The following ZNF623 variants were observed in gnomAD, a reference collection of about 807,000 sequenced individuals.
The protein encoded by ZNF623 is zinc finger protein 623.
Under a neutral mutation model 24.0 loss-of-function variants are expected in ZNF623, and 16 were observed. That is an observed-to-expected ratio of 0.67 (90% CI 0.45 to 1.01). The LOEUF is 1.01. ZNF623 is among the 50% of genes least tolerant of loss of function. The pLI, the probability that ZNF623 is intolerant of heterozygous loss-of-function variation, is 0.00. For synonymous variants in ZNF623, 224 were observed against 219.8 expected, an observed-to-expected ratio of 1.02 and a Z score of -0.17; for missense variants, 566 against 606.5, an observed-to-expected ratio of 0.93 and a Z score of 0.70.
At chr8:143,637,532 A>C (rs1339425161) in intron 1 of ZNF623, among the ~76,000 whole-genome samples, 1 of 130,770 alleles carries the variant, frequency 7.6e-6, no homozygotes, top group East Asian at 2.0e-4. Context: ...GACAATTTCA[A>C]GTGATATTTA....
At chr8:143,643,946 A>C (rs1391349521) in intron 1 of ZNF623, among the ~76,000 whole-genome samples, 1 of 152,156 alleles carries the variant, frequency 6.6e-6, no homozygotes, top group Non-Finnish European at 1.5e-5. Flanking sequence ...CCAGCAACCT[A>C]ATTCCCTTGA....
At chr8:143,643,120 C>T (rs1400276146) in intron 1 of ZNF623, among the ~76,000 whole-genome samples, 1 of 152,170 alleles carries the variant, frequency 6.6e-6, no homozygotes, top group Non-Finnish European at 1.5e-5. Flanking sequence ...TGTGCTGTGC[C>T]TGCCTTGAGA....
At position 143,646,337 on chromosome 8, in the gene ZNF623, C is replaced by G. The variant is rs564717039; in HGVS notation, c.-95-3561C>G. The stretch of plus-strand genomic sequence containing the variant: ...GGATTATAGGCATGAGCCACTGTAC[C>G]TGGCTTATTACCTTGTATTGAGTGT... On this transcript the variant is annotated intron_variant, in intron 1 of 1. Transcript: ENST00000526926. 4.8e-4 allele frequency among the ~76,000 whole-genome samples: 73 copies of G among 152,348 alleles called. No individual in the cohort carries two copies. In the South Asian group the frequency reaches 0.014, roughly 29 times the overall value.
chr8:143,646,917 C>T (rs1393910367), intron 1 of ZNF623, among the ~76,000 whole-genome samples: 3 of 152,210 alleles, frequency 2.0e-5, no homozygotes, highest in Non-Finnish European at 4.4e-5. Flanking sequence ...CCTCCCACCT[C>T]TGCCTCCCAA....
At position 143,651,619 on chromosome 8, in the gene ZNF623, A is replaced by G. The variant is rs1815324550; in HGVS notation, c.*136A>G. The G allele has an allele frequency of 1.0e-6, 1 of 990,560 alleles. No homozygotes were observed. The highest frequency in any genetic ancestry group is 1.5e-6 in the Non-Finnish European group (1 of 674,572). 61.4% of individuals were successfully genotyped at this position (990,560 alleles called of 1,614,324 possible). A position where few individuals can be genotyped will look rare whatever the true frequency, so the allele number is the denominator to read the frequency against. ...GCTTTTGCAGTGGGTGCCACCTGCC[A>G]CTGTGCAGCCCTACTCGGCTCAGCC... On this transcript the variant is annotated 3_prime_UTR_variant, in exon 2 of 2. Transcript: ENST00000526926.
chr8:143,645,200 T>C (rs1375086506), intron 1 of ZNF623, among the ~76,000 whole-genome samples: 1 of 151,582 alleles, frequency 6.6e-6, no homozygotes, highest in Non-Finnish European at 1.5e-5. Context: ...TCCCAGCACT[T>C]TGGGAGGCCA....
At chr8:143,641,413 G>A (rs1815050604) in intron 1 of ZNF623, among the ~76,000 whole-genome samples, 2 of 151,464 alleles carry the variant, frequency 1.3e-5, no homozygotes, top group African/African-American at 4.9e-5. Flanking sequence ...AGAGCTCTTG[G>A]GTGACCAGGA....
Position 143,651,169 on chromosome 8 carries a change from T to C in ZNF623, c.1177T>C (p.Cys393Arg), listed in dbSNP as rs1175993882. Residue 393 changes from cysteine to arginine, a missense_variant, in exon 2 of 2, where the codon TGT becomes CGT. Transcript: ENST00000526926. ...KIHSGDRPFE[C>R]KDCGKAFIQS... is the part of the protein sequence containing the mutation. ...CCACTCTGGGGACAGGCCCTTCGAA[T>C]GTAAAGACTGTGGGAAAGCCTTCAT... is the stretch of plus-strand genomic sequence containing the variant. 1.2e-6 allele frequency: 2 copies of C among 1,614,184 alleles called. No individual in the cohort carries two copies. The highest frequency in any genetic ancestry group is 1.7e-6 in the Non-Finnish European group (2 of 1,180,024).
chr8:143,651,350 G>A lies in ZNF623; in HGVS notation c.1358G>A (p.Gly453Glu). 3 of 1,614,150 alleles carry A rather than the reference G, an allele frequency of 1.9e-6. No individual in the cohort carries two copies. In the South Asian group the frequency reaches 3.3e-5, roughly 18 times the overall value. ...AAGCTCTATGAATGTAGTCAGTATGGGAGAGATTTTAACTCAACTACAAAC... is the reference window on the plus strand; with the variant it reads ...AAGCTCTATGAATGTAGTCAGTATGAGAGAGATTTTAACTCAACTACAAAC... ...EEKLYECSQYGRDFNSTTNVK... is the reference protein window; with the variant it reads ...EEKLYECSQYERDFNSTTNVK... Residue 453 changes from glycine (G) to glutamate (E), a missense_variant, in exon 2 of 2, where the codon GGG becomes GAG. Coordinates refer to ENST00000526926, the MANE Select transcript of ZNF623 (RefSeq NM_001261843.2).
chr8:143,649,981 A>C lies in ZNF623; in HGVS notation c.-12A>C. 6.2e-7 allele frequency: 1 copy of C among 1,614,218 alleles called. No individual in the cohort carries two copies. The highest frequency in any genetic ancestry group is 1.1e-5 in the South Asian group (1 of 91,084). Reference sequence around the variant, plus strand: ...AAACTCACATAGGACGACGTCAGACAGACTCACGGTGATGGAGCTCCCCTC... The same window carrying C: ...AAACTCACATAGGACGACGTCAGACCGACTCACGGTGATGGAGCTCCCCTC... On this transcript the variant is annotated 5_prime_UTR_variant, in exon 2 of 2. Transcript: ENST00000526926.
chr8:143,642,706 A>G (rs1246030311), intron 1 of ZNF623, among the ~76,000 whole-genome samples: 1 of 152,154 alleles, frequency 6.6e-6, no homozygotes, highest in Non-Finnish European at 1.5e-5. Flanking sequence ...GCTGGAGGAA[A>G]GGGAGAGATG....
At chr8:143,646,568 T>TGC (rs1554605081) in intron 1 of ZNF623, among the ~76,000 whole-genome samples, 1 of 151,074 alleles carries the variant, frequency 6.6e-6, no homozygotes, top group African/African-American at 2.4e-5. Context: ...TGTGTGTGTG[T>TGC]GCATGCATGT....
intron 1 of ZNF623, chr8:143,649,691 T>G: frequency 3.3e-6 from 2 of 606,834 alleles, no homozygotes; most frequent in South Asian, 2.1e-5. Flanking sequence ...TGGTGTTGGA[T>G]GTTAAAAGTG....
rs746185206 is a variant in ZNF623 at position 143,650,444 on chromosome 8, A to C, written c.452A>C (p.Tyr151Ser). The C allele has an allele frequency of 1.2e-6, 2 of 1,613,950 alleles. No individual in the cohort carries two copies. The highest frequency in any genetic ancestry group is 1.7e-6 in the Non-Finnish European group (2 of 1,179,976). ...CNVCGKDFIHYSGLIEHQRVH... is the reference protein window; with the variant it reads ...CNVCGKDFIHSSGLIEHQRVH... ...GTGTGTGGGAAAGACTTCATTCACT[A>C]TTCAGGTCTCATTGAGCATCAGCGC... is the stretch of plus-strand genomic sequence containing the variant. Residue 151 changes from tyrosine to serine, a missense_variant, in exon 2 of 2, where the codon TAT (tyrosine) becomes TCT (serine). Physicochemically the swap from Tyr to Ser is moderately radical, Grantham distance 144. Coordinates refer to ENST00000526926, the MANE Select transcript of ZNF623 (RefSeq NM_001261843.2). The surrounding 1 kb of genome is among the most constrained non-coding windows in gnomAD (Gnocchi z 5.2).
At position 143,650,987 on chromosome 8, in the gene ZNF623, A is replaced by T; in HGVS notation, c.995A>T (p.Glu332Val). The change falls in exon 2 of 2, where the codon GAG becomes GTG. Residue 332 changes from glutamate to valine, a missense_variant. Glu to Val is a moderately radical substitution (Grantham distance 121). This residue lies in a region of ZNF623 where 117 missense variants were observed against 174.2 expected (regional missense o/e 0.67). Coordinates refer to ENST00000526926, the MANE Select transcript of ZNF623 (RefSeq NM_001261843.2). This position sits in a 1 kb window ranked among gnomAD's most constrained non-coding sequence, Gnocchi z 5.2. ...FTQHQRIHTG[E>V]KLYECNECGK... ...CAGCATCAGAGAATTCACACTGGAGAGAAACTCTATGAATGTAACGAGTGT... is the reference window on the plus strand; with the variant it reads ...CAGCATCAGAGAATTCACACTGGAGTGAAACTCTATGAATGTAACGAGTGT... 1 of 1,614,206 alleles carries T rather than the reference A, an allele frequency of 6.2e-7. No homozygotes were observed. Among genetic ancestry groups the T allele is most frequent in the Non-Finnish European group, 8.5e-7 (1 of 1,180,030 alleles).
intron 1 of ZNF623, among the ~76,000 whole-genome samples, chr8:143,639,913 C>T (rs939103664): frequency 6.6e-6 from 1 of 152,140 alleles, no homozygotes; most frequent in African/African-American, 2.4e-5. Context: ...TCATCTTGGT[C>T]ACAAACTCAC....
At position 143,651,640 on chromosome 8, in the gene ZNF623, C is replaced by T. The variant is rs1023466710; in HGVS notation, c.*157C>T. 2 of 781,314 alleles carry T rather than the reference C, an allele frequency of 2.6e-6. No individual in the cohort carries two copies. 48.4% of individuals were successfully genotyped at this position (781,314 alleles called of 1,614,324 possible). Reference sequence around the variant, plus strand: ...TGCCACTGTGCAGCCCTACTCGGCTCAGCCCTTCTCCTCAGCTGTGAGCAC... The same window carrying T: ...TGCCACTGTGCAGCCCTACTCGGCTTAGCCCTTCTCCTCAGCTGTGAGCAC... On this transcript the variant is annotated 3_prime_UTR_variant, in exon 2 of 2. Coordinates refer to ENST00000526926, the MANE Select transcript of ZNF623 (RefSeq NM_001261843.2).
chr8:143,650,327 C>G lies in ZNF623; in HGVS notation c.335C>G (p.Thr112Arg). ...RISHAGEKPY[T>R]CDQCGKGFGQ... ...TCGCATGCTGGGGAGAAACCTTACA[C>G]GTGCGATCAGTGTGGGAAAGGCTTT... The change falls in exon 2 of 2, where the codon ACG becomes AGG. Residue 112 changes from threonine (T) to arginine (R), a missense_variant. Physicochemically the swap from Thr to Arg is moderately conservative, Grantham distance 71. Transcript: ENST00000526926. This position sits in a 1 kb window ranked among gnomAD's most constrained non-coding sequence, Gnocchi z 5.2. The G allele has an allele frequency of 6.2e-7, 1 of 1,614,238 alleles. No individual in the cohort carries two copies. Among genetic ancestry groups the G allele is most frequent in the Non-Finnish European group, 8.5e-7 (1 of 1,180,056 alleles).
chr8:143,650,810 A>G lies in ZNF623; in HGVS notation c.818A>G (p.His273Arg). The change falls in exon 2 of 2, where the codon CAC (histidine) becomes CGC (arginine). Residue 273 changes from histidine to arginine, a missense_variant. His to Arg is a conservative substitution (Grantham distance 29, BLOSUM62 0). Coordinates refer to ENST00000526926, the MANE Select transcript of ZNF623 (RefSeq NM_001261843.2). The surrounding 1 kb of genome is among the most constrained non-coding windows in gnomAD (Gnocchi z 5.2). ...RSDLIEHQRI[H>R]TGERPFECNE... is the part of the protein sequence containing the mutation. ...GACCTTATTGAACACCAGAGAATTC[A>G]CACCGGAGAGAGACCCTTTGAATGC... is the stretch of plus-strand genomic sequence containing the variant. 6.2e-7 allele frequency: 1 copy of G among 1,614,228 alleles called. No homozygotes were observed. The highest frequency in any genetic ancestry group is 8.5e-7 in the Non-Finnish European group (1 of 1,180,042).
Sources: allele counts gnomAD v4.1 joint callset (sites outside exome capture counted in the v4.1 genomes callset), GRCh38; gene constraint gnomAD v4.1.1; regional missense constraint gnomAD v4.1.1; non-coding constraint Gnocchi (gnomAD v3.1); transcripts MANE v1.5; gene names NCBI Gene and HGNC (gene_info 2026-07-23, HGNC 2026-07-21).